ACTR5: variants seen among roughly 807,000 people sequenced by gnomAD.
ACTR5 encodes actin-related protein 5.
In ACTR5, 43 loss-of-function variants were observed where a neutral mutation model predicts 61.2. That is an observed-to-expected ratio of 0.70 (90% confidence interval 0.55 to 0.91). The LOEUF is 0.91. Ranked by LOEUF, ACTR5 falls within the 40% of genes least tolerant of loss-of-function variation. The pLI is 0.00. For missense variants in ACTR5, 798 were observed against 782.2 expected (o/e 1.02, Z -0.24); for synonymous variants, 333 against 310.5 (o/e 1.07, Z -0.76).
intron 1 of ACTR5, among the ~76,000 whole-genome samples, chr20:38,749,464 G>A (rs997238166): frequency 9.9e-5 from 15 of 152,212 alleles, no homozygotes; most frequent in Non-Finnish European, 2.2e-4. Context: ...GTGTGAGGGG[G>A]AGAGTAGTAC....
intron 7 of ACTR5, among the ~76,000 whole-genome samples, chr20:38,767,252 CCATT>C (rs1369324803): frequency 2.0e-5 from 3 of 151,828 alleles, no homozygotes; most frequent in Non-Finnish European, 2.9e-5. Flanking sequence ...AATAAGTTGA[CCATT>C]CAGATTACGG....
chr20:38,751,711 G>T (rs1158004743), intron 2 of ACTR5, among the ~76,000 whole-genome samples: 1 of 152,190 alleles, frequency 6.6e-6, no homozygotes, highest in Non-Finnish European at 1.5e-5. Flanking sequence ...TGTTAAGGGA[G>T]GGCTTCTTAA....
chr20:38,758,236 G>T (rs2084431821), intron 5 of ACTR5, among the ~76,000 whole-genome samples: 1 of 152,200 alleles, frequency 6.6e-6, no homozygotes, highest in South Asian at 2.1e-4. Context: ...TCTTTCAGCA[G>T]ATACTCAGTA....
chr20:38,757,045 C>T (rs1189206402), intron 5 of ACTR5, among the ~76,000 whole-genome samples: 1 of 152,180 alleles, frequency 6.6e-6, no homozygotes, highest in Non-Finnish European at 1.5e-5. Flanking sequence ...CCCACCTCAG[C>T]CTTCTAAGAA....
intron 2 of ACTR5, among the ~76,000 whole-genome samples, chr20:38,750,450 G>T (rs1415624317): frequency 3.3e-5 from 5 of 152,094 alleles, no homozygotes; most frequent in Non-Finnish European, 7.3e-5. Context: ...GAGTTGGGGT[G>T]GATGATCTCT....
In ACTR5 at chr20:38,748,501, T is replaced by C; in HGVS notation, c.23T>C (p.Phe8Ser). The change falls in exon 1 of 9, where the codon TTC becomes TCC. Residue 8 changes from phenylalanine to serine, a missense_variant. Transcript: ENST00000243903. MAANVFP[F>S]RDARAAPDPV... ...AAGATGGCGGCGAACGTGTTCCCGTTCCGCGACGCCCGTGCCGCACCGGAC... is the reference window on the plus strand; with the variant it reads ...AAGATGGCGGCGAACGTGTTCCCGTCCCGCGACGCCCGTGCCGCACCGGAC... 2.0e-6 allele frequency: 3 copies of C among 1,494,656 alleles called. No individual in the cohort carries two copies. Among genetic ancestry groups the C allele is most frequent in the Non-Finnish European group, 2.7e-6 (3 of 1,128,812 alleles). 92.6% of individuals were successfully genotyped at this position (1,494,656 alleles called of 1,614,324 possible).
chr20:38,752,252 GA>G lies in ACTR5; in HGVS notation c.728del (p.Glu243GlyfsTer47). ...HLAAITLSRM[E>X]EILHEHSYIA... ...GGCAGCCATCACCCTCAGCCGCATG[GA>G]GGAGATTCTGCATGAGCACAGCTAC... On this transcript the variant is annotated frameshift_variant, in exon 3 of 9. Transcript: ENST00000243903. LOFTEE classifies it high-confidence loss of function. The G allele has an allele frequency of 6.2e-7, 1 of 1,613,906 alleles. No individual in the cohort carries two copies. The highest frequency in any genetic ancestry group is 8.5e-7 in the Non-Finnish European group (1 of 1,179,790).
At chr20:38,767,675 A>C (rs1379808012) in intron 8 of ACTR5, 79 bp downstream of exon 8, 1 of 1,470,240 alleles carries the variant, frequency 6.8e-7, no homozygotes, top group East Asian at 2.3e-5. Context: ...AATCATGCAG[A>C]AATATCCACT....
chr20:38,763,741 T>C (rs2084468884), intron 5 of ACTR5, among the ~76,000 whole-genome samples: 1 of 152,234 alleles, frequency 6.6e-6, no homozygotes, highest in African/African-American at 2.4e-5. Flanking sequence ...GTGAGGGTTG[T>C]GCAGATAGCA....
chr20:38,768,302 C>T (rs892032137), intron 8 of ACTR5, among the ~76,000 whole-genome samples: 1 of 152,310 alleles, frequency 6.6e-6, no homozygotes, highest in Non-Finnish European at 1.5e-5. Context: ...AACTCTCAGA[C>T]ATGAGCTGTT....
rs1160896717 is a variant in ACTR5 at position 38,767,437 on chromosome 20, C to T, written c.1434-27C>T. 2.4e-5 allele frequency: 39 copies of T among 1,596,616 alleles called. No individual in the cohort carries two copies. In the Admixed American group the frequency reaches 6.7e-4, roughly 27 times the overall value. ...TCGTTCTGATATTTGAGTTAAGGGA[C>T]TATATTAGGAGTTGTTTCTTTCCTA... On this transcript the variant is annotated intron_variant, in intron 7 of 8. Transcript: ENST00000243903.
chr20:38,751,739 C>T (rs2084388190), intron 2 of ACTR5, among the ~76,000 whole-genome samples: 1 of 152,164 alleles, frequency 6.6e-6, no homozygotes, highest in South Asian at 2.1e-4. Flanking sequence ...CCTTCAGTCA[C>T]CTAGGGAGCT....
At chr20:38,755,199 G>GC in intron 4 of ACTR5, 25 bp downstream of exon 4, 4 of 1,546,106 alleles carry the variant, frequency 2.6e-6, no homozygotes, top group Non-Finnish European at 3.5e-6. Flanking sequence ...AGGGACGGGC[G>GC]CCCTTCCGTG....
intron 4 of ACTR5, among the ~76,000 whole-genome samples, chr20:38,755,594 G>C (rs2254975): frequency 0.41 from 58,118 of 142,956 alleles, 11,496 homozygotes; most frequent in Middle Eastern, 0.49. Flanking sequence ...CACATCCCCC[G>C]CCCCACCAAA....
At chr20:38,766,437 T>TATTC (rs1420934286) in intron 7 of ACTR5, 60 bp downstream of exon 7, 5 of 1,521,812 alleles carry the variant, frequency 3.3e-6, no homozygotes, top group Non-Finnish European at 3.5e-6. Context: ...GGATTTTGCA[T>TATTC]TGAATGGTAG....
chr20:38,766,355 ACT>A lies in ACTR5; in HGVS notation c.1414_1415del (p.Leu472SerfsTer67), dbSNP rs750224297. ...AGAAGAACAGGCTGGGATTGCAGAG[ACT>A]CTTCAGTACATTCTGGACAGGTGAG... is the stretch of plus-strand genomic sequence containing the variant. ...IGEEQAGIAE[T>X]LQYILDRYPK... On this transcript the variant is annotated frameshift_variant, in exon 7 of 9. Transcript: ENST00000243903. LOFTEE classifies it high-confidence loss of function. 16 of 1,608,636 alleles carry A rather than the reference ACT, an allele frequency of 9.9e-6. No homozygotes were observed. In the East Asian group the frequency reaches 3.6e-4, roughly 36 times the overall value.
chr20:38,756,116 T>C (rs2084418757), intron 5 of ACTR5, 77 bp downstream of exon 5: 3 of 1,452,434 alleles, frequency 2.1e-6, no homozygotes, highest in Admixed American at 2.6e-5. Context: ...AAAGGGGTTG[T>C]GCCCAGAGTC....
At chr20:38,758,873 A>G (rs1299953710) in intron 5 of ACTR5, among the ~76,000 whole-genome samples, 2 of 152,234 alleles carry the variant, frequency 1.3e-5, no homozygotes, top group African/African-American at 2.4e-5. Context: ...ACCAAAATTC[A>G]TATTGAAATT....
chr20:38,765,113 C>T (rs918912816), intron 5 of ACTR5, among the ~76,000 whole-genome samples: 5 of 152,186 alleles, frequency 3.3e-5, no homozygotes, highest in Non-Finnish European at 5.9e-5. Flanking sequence ...AAGTCTTCCA[C>T]GGGGCCCAGC....
Sources: allele counts gnomAD v4.1 joint callset (sites outside exome capture counted in the v4.1 genomes callset), GRCh38; gene constraint gnomAD v4.1.1; transcripts MANE v1.5; gene names NCBI Gene and HGNC (gene_info 2026-07-23, HGNC 2026-07-21).